ZDHHC11B: variants seen among roughly 807,000 people sequenced by gnomAD.
The protein encoded by ZDHHC11B is probable palmitoyltransferase ZDHHC11B.
A neutral mutation model predicts 42.3 loss-of-function variants in ZDHHC11B; 17 were observed. The ratio of observed to expected loss-of-function variants is 0.40; its 90% CI spans 0.27 to 0.60. The LOEUF is 0.60. ZDHHC11B is among the 20% of genes least tolerant of loss of function. ZDHHC11B has a pLI of 0.41. For missense variants in ZDHHC11B, 262 were observed against 463.2 expected (o/e 0.57, Z 3.99); for synonymous variants, 123 against 193.5 (o/e 0.64, Z 3.02).
chr5:750,220 C>T (rs1745420578), intron 7 of ZDHHC11B, among the ~76,000 whole-genome samples: 1 of 124,080 alleles, frequency 8.1e-6, no homozygotes, highest in Non-Finnish European at 1.7e-5. Flanking sequence ...GCAATAAATA[C>T]ATCAAATGGT....
chr5:761,590 G>T (rs545292287), intron 4 of ZDHHC11B, among the ~76,000 whole-genome samples: 2 of 152,008 alleles, frequency 1.3e-5, no homozygotes, highest in East Asian at 3.9e-4. Flanking sequence ...GTGGAGGGGC[G>T]CAAGGCTGGC....
intron 7 of ZDHHC11B, among the ~76,000 whole-genome samples, chr5:750,163 G>A (rs1214312764): frequency 1.7e-5 from 2 of 117,750 alleles, no homozygotes; most frequent in Non-Finnish European, 3.7e-5. Context: ...TGCACCCCGA[G>A]GGGCTTCTCT....
At chr5:776,717 C>T (rs1736525783) in intron 1 of ZDHHC11B, among the ~76,000 whole-genome samples, 1 of 152,004 alleles carries the variant, frequency 6.6e-6, no homozygotes, top group African/African-American at 2.4e-5. Flanking sequence ...CCTGTCCCAC[C>T]AAGGGGCCTT....
chr5:775,877 G>A (rs1736432770), intron 1 of ZDHHC11B, among the ~76,000 whole-genome samples: 1 of 148,970 alleles, frequency 6.7e-6, no homozygotes. Context: ...GAGGGGTGGG[G>A]GCCGAGGCGC....
rs541596832 is a variant in ZDHHC11B, at chr5:754,968, C to T, written c.503+30G>A. ...CTTCCAAATTCCCCCAAGCCTGGCC[C>T]GTGCCGGCCATCCCCTCTGTGCCCC... On this transcript the variant is annotated intron_variant, in intron 6 of 13. Coordinates refer to ENST00000508859, the MANE Select transcript of ZDHHC11B (RefSeq NM_001351303.2). 7.1e-5 allele frequency: 56 copies of T among 787,800 alleles called. 9 individuals are homozygous for T. The South Asian group carries it at 9.6e-4, about 14-fold the overall frequency. The allele number at this position is 787,800 out of a possible 1,614,324, so 48.8% of individuals were successfully genotyped here. A position where few individuals can be genotyped will look rare whatever the true frequency, so the allele number is the denominator to read the frequency against.
chr5:713,334 A>T (rs1385394063), intron 13 of ZDHHC11B, among the ~76,000 whole-genome samples: 1 of 151,984 alleles, frequency 6.6e-6, no homozygotes, highest in Non-Finnish European at 1.5e-5. Context: ...GTTTTTCCAA[A>T]TCTGCTTTGT....
chr5:746,522 G>C (rs1346787939), intron 8 of ZDHHC11B, among the ~76,000 whole-genome samples: 5 of 133,132 alleles, frequency 3.8e-5, no homozygotes, highest in Non-Finnish European at 8.3e-5. Context: ...CTTGGTCTGG[G>C]CTTTGCGTTC....
intron 12 of ZDHHC11B, among the ~76,000 whole-genome samples, chr5:718,668 C>T (rs1261337429): frequency 2.7e-5 from 4 of 146,776 alleles, no homozygotes; most frequent in African/African-American, 5.1e-5. Flanking sequence ...TGCACTCTAG[C>T]CTGGGCGACA....
rs1734097551 is a variant in ZDHHC11B, at chr5:758,060, G to C, written c.223-1916C>G. On this transcript the variant is annotated intron_variant, in intron 4 of 13. Transcript: ENST00000508859. ...ACTGTCCAGCTGGTGACACTGACAT[G>C]ACCGAGCCTGCATCCCGGCTGTTGT... 2.0e-5 allele frequency among the ~76,000 whole-genome samples: 3 copies of C among 151,852 alleles called. No individual in the cohort carries two copies. In the South Asian group the frequency reaches 6.2e-4, roughly 32 times the overall value.
At chr5:753,652 C>CTCT (rs1334894953) in intron 6 of ZDHHC11B, among the ~76,000 whole-genome samples, 21 of 148,442 alleles carry the variant, frequency 1.4e-4, no homozygotes, top group African/African-American at 4.9e-4. Flanking sequence ...CGTGGAGCTG[C>CTCT]TCTTCTCCAG....
At chr5:723,057 G>A (rs767053754) in intron 12 of ZDHHC11B, among the ~76,000 whole-genome samples, 2 of 150,640 alleles carry the variant, frequency 1.3e-5, no homozygotes, top group African/African-American at 4.9e-5. Context: ...GAGCATGAGC[G>A]GGGTGCAAGG....
chr5:748,478 C>G lies in ZDHHC11B; in HGVS notation c.710G>C (p.Arg237Thr), dbSNP rs1423661127. ...QVQTLIVVII[R>T]MLVLLLDLLG... ...AAGGTCCAGCAGGAGCACGAGCATC[C>G]TGATGATCACGACTATCAGAGTCTG... Residue 237 changes from arginine (R) to threonine (T), a missense_variant, in exon 8 of 14, where the codon AGG (arginine) becomes ACG (threonine). Physicochemically the swap from Arg to Thr is moderately conservative, Grantham distance 71. Around this residue, in one of 5 missense-constraint regions of ZDHHC11B, gnomAD observed 57 missense variants for 103.3 expected, o/e 0.55. Coordinates refer to ENST00000508859, the MANE Select transcript of ZDHHC11B (RefSeq NM_001351303.2). 1.5e-6 allele frequency: 2 copies of G among 1,363,802 alleles called. No individual in the cohort carries two copies. Among genetic ancestry groups the G allele is most frequent in the African/African-American group, 1.4e-5 (1 of 72,164 alleles). The allele number at this position is 1,363,802 out of a possible 1,614,324, so 84.5% of individuals were successfully genotyped here.
chr5:724,962 T>C (rs1742464579), intron 12 of ZDHHC11B, among the ~76,000 whole-genome samples: 1 of 146,452 alleles, frequency 6.8e-6, no homozygotes, highest in Non-Finnish European at 1.5e-5. Context: ...ACGGCACTTC[T>C]GGGCCTTTGT....
intron 13 of ZDHHC11B, among the ~76,000 whole-genome samples, chr5:716,547 G>A (rs1741763954): frequency 6.6e-6 from 1 of 151,764 alleles, no homozygotes; most frequent in South Asian, 2.1e-4. Context: ...GAAATGAGCA[G>A]TGTTCAATCT....
At chr5:728,338 A>G (rs554714184) in intron 12 of ZDHHC11B, among the ~76,000 whole-genome samples, 1 of 152,112 alleles carries the variant, frequency 6.6e-6, no homozygotes, top group East Asian at 1.9e-4. Context: ...ATGAGGATTT[A>G]AAATGCAAAT....
chr5:769,908 G>A lies in ZDHHC11B; in HGVS notation c.-229-978C>T, dbSNP rs1475002338. ...GGCCTCTCGGCAGCTTTTCAGGAAC[G>A]TGGCTCGAGTCCCGCTGCTCCCAAG... On this transcript the variant is annotated intron_variant, in intron 1 of 13. Transcript: ENST00000508859. 1.6e-3 allele frequency among the ~76,000 whole-genome samples: 242 copies of A among 151,772 alleles called. 2 individuals carry two copies. Among genetic ancestry groups the A allele is most frequent in the African/African-American group, 5.3e-3 (217 of 41,332 alleles).
intron 8 of ZDHHC11B, chr5:748,202 T>A: frequency 1.7e-6 from 1 of 602,318 alleles, no homozygotes; most frequent in Admixed American, 2.8e-5. Flanking sequence ...GGATTTAATT[T>A]CTTCCTGTGA....
At chr5:756,555 C>T (rs1184471768) in intron 4 of ZDHHC11B, among the ~76,000 whole-genome samples, 3 of 151,712 alleles carry the variant, frequency 2.0e-5, no homozygotes, top group African/African-American at 7.3e-5. Flanking sequence ...GAATGTACCG[C>T]ACCCCCAGAG....
intron 4 of ZDHHC11B, among the ~76,000 whole-genome samples, chr5:765,836 C>A (rs1187106724): frequency 1.3e-5 from 2 of 151,924 alleles, no homozygotes; most frequent in Non-Finnish European, 2.9e-5. Flanking sequence ...AGAACTGTAA[C>A]ACTCACCGCG....
Sources: gnomAD v4.1 joint callset for allele counts (sites outside exome capture counted in the v4.1 genomes callset) on GRCh38, gnomAD v4.1.1 for gene constraint, gnomAD v4.1.1 regional missense constraint, MANE v1.5 for transcripts, NCBI Gene and HGNC (gene_info 2026-07-23, HGNC 2026-07-21) for gene names.